The following SLC35E3 variants were observed in gnomAD, a reference collection of about 807,000 sequenced individuals.
SLC35E3 encodes bladder cancer-overexpressed gene 1 protein.
Under a neutral mutation model 30.8 loss-of-function variants are expected in SLC35E3, and 28 were observed. That is an observed-to-expected ratio of 0.91 (90% CI 0.67 to 1.25). The LOEUF is 1.25. SLC35E3 is among the 50% of genes most tolerant of loss of function. SLC35E3 has a pLI of 0.00. For missense variants in SLC35E3, 365 were observed against 375.4 expected (o/e 0.97, Z 0.23); for synonymous variants, 146 against 149.2 (o/e 0.98, Z 0.16).
chr12:68,758,925 T>C (rs2136075260), intron 3 of SLC35E3, among the ~76,000 whole-genome samples: 1 of 152,112 alleles, frequency 6.6e-6, no homozygotes, highest in East Asian at 1.9e-4. Context: ...ATATTTTTAG[T>C]AGAGATGGGG....
In SLC35E3 at chr12:68,765,374, T is replaced by C. The variant is rs1879362774; in HGVS notation, c.*484T>C. 6.6e-6 allele frequency: 1 copy of C among 152,274 alleles called. No individual in the cohort carries two copies. 9.4% of individuals were successfully genotyped at this position (152,274 alleles called of 1,614,324 possible). A position where few individuals can be genotyped will look rare whatever the true frequency, so the allele number is the denominator to read the frequency against. ...GAGTCTCTTTTTTAAAAAAACTTAA[T>C]TCTCTAAAACCGAAATGGTTCATGC... is the stretch of plus-strand genomic sequence containing the variant. On this transcript the variant is annotated 3_prime_UTR_variant, in exon 5 of 5. Transcript: ENST00000398004.
chr12:68,746,451 C>G lies in SLC35E3; in HGVS notation c.74C>G (p.Ser25Cys). The G allele has an allele frequency of 6.2e-7, 1 of 1,614,014 alleles. No homozygotes were observed. Among genetic ancestry groups the G allele is most frequent in the Non-Finnish European group, 8.5e-7 (1 of 1,179,872 alleles). Reference sequence around the variant, plus strand: ...GGGCTCCTGTTCAACCTGCTGGTGTCCATCTGCATTGTGTTCCTCAACAAA... The same window carrying G: ...GGGCTCCTGTTCAACCTGCTGGTGTGCATCTGCATTGTGTTCCTCAACAAA... ...AAGLLFNLLV[S>C]ICIVFLNKWI... The change falls in exon 1 of 5, where the codon TCC becomes TGC. Residue 25 changes from serine to cysteine, a missense_variant. Coordinates refer to ENST00000398004, the MANE Select transcript of SLC35E3 (RefSeq NM_018656.5).
chr12:68,751,299 T>C (rs1878783377), intron 2 of SLC35E3, among the ~76,000 whole-genome samples: 1 of 135,582 alleles, frequency 7.4e-6, no homozygotes, highest in Admixed American at 7.6e-5. Context: ...ACCTCTGTCT[T>C]TGTTTTTTTT....
intron 4 of SLC35E3, 32 bp downstream of exon 4, chr12:68,759,271 G>A (rs377495800): frequency 6.0e-5 from 91 of 1,516,278 alleles, no homozygotes; most frequent in African/African-American, 4.3e-4. Context: ...GAAATGCATC[G>A]TCTTTTATAT....
intron 3 of SLC35E3, among the ~76,000 whole-genome samples, chr12:68,755,269 A>G (rs1015296377): frequency 3.9e-5 from 6 of 152,148 alleles, no homozygotes; most frequent in Non-Finnish European, 7.4e-5. Context: ...GGGGACACAA[A>G]CATTCAGTCC....
chr12:68,751,918 A>T (rs1878810113), intron 2 of SLC35E3, 114 bp from the exon 3 acceptor site: 1 of 960,258 alleles, frequency 1.0e-6, no homozygotes, highest in African/African-American at 1.7e-5. Flanking sequence ...TAGACATTTT[A>T]TCTTCCCCTA....
intron 3 of SLC35E3, among the ~76,000 whole-genome samples, chr12:68,758,930 A>T (rs982904588): frequency 1.3e-5 from 2 of 151,550 alleles, no homozygotes; most frequent in Non-Finnish European, 2.9e-5. Flanking sequence ...TTTAGTAGAG[A>T]TGGGGTTTCA....
rs1263383995 is a variant in SLC35E3 at position 68,780,897 on chromosome 12, A to G, written c.*16007A>G. 1 of 152,196 alleles carries G rather than the reference A, an allele frequency of 6.6e-6. No homozygotes were observed. Among genetic ancestry groups the G allele is most frequent in the Non-Finnish European group, 1.5e-5 (1 of 68,042 alleles). The allele number at this position is 152,196 out of a possible 1,614,324, so 9.4% of individuals were successfully genotyped here. A position where few individuals can be genotyped will look rare whatever the true frequency, so the allele number is the denominator to read the frequency against. Reference sequence around the variant, plus strand: ...ACCAGGCCTAAGGCTGAAGGAATGTAGTTTGCTGCCCTTCAGTCTATGACA... The same window carrying G: ...ACCAGGCCTAAGGCTGAAGGAATGTGGTTTGCTGCCCTTCAGTCTATGACA... On this transcript the variant is annotated 3_prime_UTR_variant, in exon 5 of 5. Coordinates refer to ENST00000398004, the MANE Select transcript of SLC35E3 (RefSeq NM_018656.5).
rs2136088437 is a variant in SLC35E3 at position 68,776,991 on chromosome 12, T to C, written c.*12101T>C. 6.6e-6 allele frequency: 1 copy of C among 152,232 alleles called. No homozygotes were observed. Among genetic ancestry groups the C allele is most frequent in the East Asian group, 1.9e-4 (1 of 5,176 alleles). 9.4% of individuals were successfully genotyped at this position (152,232 alleles called of 1,614,324 possible). ...CAGCCCCATCCCTAGTCACCCCTCA[T>C]TCCTAGTAGTACCCCCAGTTCTGCT... On this transcript the variant is annotated 3_prime_UTR_variant, in exon 5 of 5. Coordinates refer to ENST00000398004, the MANE Select transcript of SLC35E3 (RefSeq NM_018656.5).
At chr12:68,754,315 ACT>A (rs1878922449) in intron 3 of SLC35E3, among the ~76,000 whole-genome samples, 1 of 151,732 alleles carries the variant, frequency 6.6e-6, no homozygotes, top group African/African-American at 2.4e-5. Flanking sequence ...TCAGAGTCTC[ACT>A]CTGTCACCCA....
rs34635694 is a variant in SLC35E3, at chr12:68,780,481, CTTT to C, written c.*15611_*15613del. On this transcript the variant is annotated 3_prime_UTR_variant, in exon 5 of 5. Transcript: ENST00000398004. ...AGCCGTCCTGCCTGGCCTAGTCACA[CTTT>C]TTTTTTTTTTTTTTTTTTTGGAGAC... is the stretch of plus-strand genomic sequence containing the variant. 8.2e-5 allele frequency: 9 copies of C among 109,632 alleles called. No homozygotes were observed. The highest frequency in any genetic ancestry group is 7.2e-3 in the Middle Eastern group (1 of 138). 6.8% of individuals were successfully genotyped at this position (109,632 alleles called of 1,614,324 possible).
rs190848529 is a variant in SLC35E3 at position 68,762,980 on chromosome 12, A to G, written c.756-1724A>G. Among the ~76,000 whole-genome samples, 4 of 151,866 alleles carry G rather than the reference A, an allele frequency of 2.6e-5. No homozygotes were observed. The East Asian group carries it at 7.8e-4, about 29-fold the overall frequency. On this transcript the variant is annotated intron_variant, in intron 4 of 4. Transcript: ENST00000398004. Reference sequence around the variant, plus strand: ...CTCTGTGGGCCTGACTAGTGTGGGAACTCTCAGGGTCTCACTCTGATCACT... The same window carrying G: ...CTCTGTGGGCCTGACTAGTGTGGGAGCTCTCAGGGTCTCACTCTGATCACT...
rs1415482724 is a variant in SLC35E3, at chr12:68,767,857, A to G, written c.*2967A>G. ...AGTTTTTACCAGATAAGCCTCGGGT[A>G]TTATGTTTGTCTAAGAAACATTCTC... On this transcript the variant is annotated 3_prime_UTR_variant, in exon 5 of 5. Transcript: ENST00000398004. 1 of 152,208 alleles carries G rather than the reference A, an allele frequency of 6.6e-6. No homozygotes were observed. The highest frequency in any genetic ancestry group is 1.5e-5 in the Non-Finnish European group (1 of 68,038). 9.4% of individuals were successfully genotyped at this position (152,208 alleles called of 1,614,324 possible).
At chr12:68,747,457 CG>C (rs1388081387) in intron 1 of SLC35E3, among the ~76,000 whole-genome samples, 1 of 152,032 alleles carries the variant, frequency 6.6e-6, no homozygotes, top group Non-Finnish European at 1.5e-5. Context: ...TTAGTAAAGA[CG>C]GGGTTTCTCC....
Position 68,779,513 on chromosome 12 carries a change from A to T in SLC35E3, c.*14623A>T, listed in dbSNP as rs1879829137. On this transcript the variant is annotated 3_prime_UTR_variant, in exon 5 of 5. Coordinates refer to ENST00000398004, the MANE Select transcript of SLC35E3 (RefSeq NM_018656.5). ...ACAGTGCTAGGACTGTCTGACCCAA[A>T]ATATGTGGCTGGAACCAGAAAGGAT... The T allele has an allele frequency of 6.6e-6, 1 of 152,120 alleles. No individual in the cohort carries two copies. The highest frequency in any genetic ancestry group is 2.4e-5 in the African/African-American group (1 of 41,422). 9.4% of individuals were successfully genotyped at this position (152,120 alleles called of 1,614,324 possible). A position where few individuals can be genotyped will look rare whatever the true frequency, so the allele number is the denominator to read the frequency against.
chr12:68,761,000 A>G (rs946273909), intron 4 of SLC35E3, among the ~76,000 whole-genome samples: 1 of 152,260 alleles, frequency 6.6e-6, no homozygotes, highest in Admixed American at 6.5e-5. Context: ...ACCTGAAGGA[A>G]ATGCAGTTGC....
chr12:68,755,920 G>C (rs1366240163), intron 3 of SLC35E3, among the ~76,000 whole-genome samples: 3 of 152,014 alleles, frequency 2.0e-5, no homozygotes, highest in Non-Finnish European at 4.4e-5. Flanking sequence ...TATTACCATT[G>C]TTATTATTTT....
In SLC35E3 at chr12:68,752,138, A is replaced by G. The variant is rs1255636976; in HGVS notation, c.620A>G (p.Glu207Gly). 6.2e-7 allele frequency: 1 copy of G among 1,613,698 alleles called. No homozygotes were observed. The highest frequency in any genetic ancestry group is 1.3e-5 in the African/African-American group (1 of 74,876). ...TTGCTGGTTGCTGTGCCCTTCTTTGAGCCAGTGTTTGGAGAAGGAGGAATA... is the reference window on the plus strand; with the variant it reads ...TTGCTGGTTGCTGTGCCCTTCTTTGGGCCAGTGTTTGGAGAAGGAGGAATA... ...AMLLVAVPFF[E>G]PVFGEGGIFG... The change falls in exon 3 of 5, where the codon GAG (glutamate) becomes GGG (glycine). Residue 207 changes from glutamate to glycine, a missense_variant. Physicochemically the swap from Glu to Gly is moderately conservative, Grantham distance 98. Transcript: ENST00000398004.
Position 68,746,652 on chromosome 12 carries a change from AC to A in SLC35E3, c.277del (p.Leu93PhefsTer8). 1 of 1,614,120 alleles carries A rather than the reference AC, an allele frequency of 6.2e-7. No homozygotes were observed. Among genetic ancestry groups the A allele is most frequent in the Non-Finnish European group, 8.5e-7 (1 of 1,180,012 alleles). The stretch of plus-strand genomic sequence containing the variant: ...TTCTGTGGCTTTGTGGTCTTCACTA[AC>A]CTTTCTCTGCAGAACAACACCATAG... ...LSFCGFVVFT[N>X]LSLQNNTIGT... On this transcript the variant is annotated frameshift_variant, in exon 1 of 5. Coordinates refer to ENST00000398004, the MANE Select transcript of SLC35E3 (RefSeq NM_018656.5). LOFTEE classifies it high-confidence loss of function.
Sources: gnomAD v4.1 joint callset for allele counts (sites outside exome capture counted in the v4.1 genomes callset) on GRCh38, gnomAD v4.1.1 for gene constraint, MANE v1.5 for transcripts, NCBI Gene and HGNC (gene_info 2026-07-23, HGNC 2026-07-21) for gene names.